IL17D: variants seen among roughly 807,000 people sequenced by gnomAD.
IL17D encodes interleukin 17D.
IL17D carries 10 observed loss-of-function variants against 5.7 expected under a neutral mutation model. The observed-to-expected ratio is 1.75, with a 90% confidence interval of 1.08 to 2.97. The LOEUF (loss-of-function observed/expected upper bound fraction) is 2.97, where lower values mean the gene tolerates loss of function less well. Ranked by LOEUF, IL17D falls within the 30% of genes most tolerant of loss-of-function variation. The probability of loss-of-function intolerance (pLI) is 0.00; values close to 1 mark genes in which losing one functional copy is unlikely to be tolerated. For missense variants in IL17D, 354 were observed against 292.7 expected (o/e 1.21, Z -1.53); for synonymous variants, 172 against 141.7 (o/e 1.21, Z -1.52).
At chr13:20,717,830 A>C (rs1020705799) in intron 1 of IL17D, among the ~76,000 whole-genome samples, 1 of 149,430 alleles carries the variant, frequency 6.7e-6, no homozygotes, top group Non-Finnish European at 1.5e-5. Context: ...TCCCAAGTCC[A>C]GTGCAGGGCT....
rs1299386103 is a variant in IL17D at position 20,716,189 on chromosome 13, C to T, written c.291-5447C>T. 1.6e-6 allele frequency: 1 copy of T among 644,084 alleles called. No homozygotes were observed. Among genetic ancestry groups the T allele is most frequent in the Non-Finnish European group, 1.9e-6 (1 of 517,838 alleles). 39.9% of individuals were successfully genotyped at this position (644,084 alleles called of 1,614,324 possible). A position where few individuals can be genotyped will look rare whatever the true frequency, so the allele number is the denominator to read the frequency against. ...GCTCTTGGAGAGGGATGCTACATGTCCCTCAGTGTCCCCAGAGGACGGCGG... is the reference window on the plus strand; with the variant it reads ...GCTCTTGGAGAGGGATGCTACATGTTCCTCAGTGTCCCCAGAGGACGGCGG... On this transcript the variant is annotated intron_variant, in intron 1 of 1. Coordinates refer to ENST00000682841, the MANE Select transcript of IL17D (RefSeq NM_001385224.1). The surrounding 1 kb of genome is among the most constrained non-coding windows in gnomAD (Gnocchi z 4.2).
At chr13:20,718,505 CA>C in intron 1 of IL17D, among the ~76,000 whole-genome samples, 1 of 113,278 alleles carries the variant, frequency 8.8e-6, no homozygotes, top group African/African-American at 2.9e-5. Context: ...CACCTGCCCA[CA>C]CTCAGACACA....
chr13:20,709,178 G>A (rs909203810), intron 1 of IL17D, among the ~76,000 whole-genome samples: 9 of 144,414 alleles, frequency 6.2e-5, no homozygotes, highest in African/African-American at 2.1e-4. Context: ...AGCAGGCTAC[G>A]TTGGCAAGGT....
Position 20,716,168 on chromosome 13 carries a change from T to C in IL17D, c.291-5468T>C, listed in dbSNP as rs2058677714. 3 of 881,802 alleles carry C rather than the reference T, an allele frequency of 3.4e-6. No homozygotes were observed. Among genetic ancestry groups the C allele is most frequent in the Non-Finnish European group, 4.1e-6 (3 of 735,272 alleles). The allele number at this position is 881,802 out of a possible 1,614,324, so 54.6% of individuals were successfully genotyped here. ...GTGTTTTTCACAGGACTCTCAGCTC[T>C]TGGAGAGGGATGCTACATGTCCCTC... On this transcript the variant is annotated intron_variant, in intron 1 of 1. Transcript: ENST00000682841. This position sits in a 1 kb window ranked among gnomAD's most constrained non-coding sequence, Gnocchi z 4.2.
chr13:20,719,065 GCCCATGCTGACACACAACTA>G (rs1479399784), intron 1 of IL17D, among the ~76,000 whole-genome samples: 1 of 131,414 alleles, frequency 7.6e-6, no homozygotes, highest in African/African-American at 2.9e-5. Context: ...ACACACACCT[GCCCATGCTGACACACAACTA>G]CCCATGCTCA....
chr13:20,722,071 C>T lies in IL17D; in HGVS notation c.*117C>T, dbSNP rs1358328556. The T allele has an allele frequency of 4.9e-6, 4 of 824,726 alleles. No individual in the cohort carries two copies. Among genetic ancestry groups the T allele is most frequent in the African/African-American group, 1.8e-5 (1 of 56,046 alleles). 51.1% of individuals were successfully genotyped at this position (824,726 alleles called of 1,614,324 possible). On this transcript the variant is annotated 3_prime_UTR_variant, in exon 2 of 2. Coordinates refer to ENST00000682841, the MANE Select transcript of IL17D (RefSeq NM_001385224.1). Reference sequence around the variant, plus strand: ...AGAGTGCACCGAGCAAACCAAGTGCCGGAGCACCAGCGCCGCCTTTCCATG... The same window carrying T: ...AGAGTGCACCGAGCAAACCAAGTGCTGGAGCACCAGCGCCGCCTTTCCATG...
chr13:20,720,628 G>A (rs1463120041), intron 1 of IL17D, among the ~76,000 whole-genome samples: 1 of 152,226 alleles, frequency 6.6e-6, no homozygotes, highest in Non-Finnish European at 1.5e-5. Context: ...ACCTGGCCAA[G>A]CTCCTGATCC....
intron 1 of IL17D, 132 bp from the exon 2 acceptor site, chr13:20,721,502 CCT>C: frequency 1.5e-6 from 1 of 662,438 alleles, no homozygotes; most frequent in Non-Finnish European, 2.5e-6. Context: ...CGGCGGGGGG[CCT>C]CGCACGCACG....
At chr13:20,715,087 A>C (rs1454616461) in intron 1 of IL17D, among the ~76,000 whole-genome samples, 1 of 152,122 alleles carries the variant, frequency 6.6e-6, no homozygotes, top group East Asian at 1.9e-4. Flanking sequence ...GCTTGCTCCA[A>C]AGGGAAAGTG....
chr13:20,716,156 G>C lies in IL17D; in HGVS notation c.291-5480G>C. Reference sequence around the variant, plus strand: ...TTGCAAAGGTTAGTGTTTTTCACAGGACTCTCAGCTCTTGGAGAGGGATGC... The same window carrying C: ...TTGCAAAGGTTAGTGTTTTTCACAGCACTCTCAGCTCTTGGAGAGGGATGC... On this transcript the variant is annotated intron_variant, in intron 1 of 1. Coordinates refer to ENST00000682841, the MANE Select transcript of IL17D (RefSeq NM_001385224.1). This position sits in a 1 kb window ranked among gnomAD's most constrained non-coding sequence, Gnocchi z 4.2. 4 of 952,566 alleles carry C rather than the reference G, an allele frequency of 4.2e-6. No homozygotes were observed. The highest frequency in any genetic ancestry group is 5.0e-6 in the Non-Finnish European group (4 of 800,044). The allele number at this position is 952,566 out of a possible 1,614,324, so 59.0% of individuals were successfully genotyped here. A position where few individuals can be genotyped will look rare whatever the true frequency, so the allele number is the denominator to read the frequency against.
Position 20,721,641 on chromosome 13 carries a change from C to T in IL17D, c.296C>T (p.Ser99Phe). ...RSVSPWAYRI[S>F]YDPARYPRYL... Reference sequence around the variant, plus strand: ...CCCGTGCTCTCTCCCTGCAGAATCTCCTACGACCCGGCGAGGTACCCCAGG... The same window carrying T: ...CCCGTGCTCTCTCCCTGCAGAATCTTCTACGACCCGGCGAGGTACCCCAGG... The change falls in exon 2 of 2, where the codon TCC (serine) becomes TTC (phenylalanine). Residue 99 changes from serine to phenylalanine, a missense_variant. Ser to Phe is a radical substitution (Grantham distance 155). Transcript: ENST00000682841. The T allele has an allele frequency of 6.3e-7, 1 of 1,595,486 alleles. No homozygotes were observed. The highest frequency in any genetic ancestry group is 8.6e-7 in the Non-Finnish European group (1 of 1,168,972).
At chr13:20,702,360 A>C (rs918002794), upstream of IL17D, 1 of 152,236 alleles carries the variant, frequency 6.6e-6, no homozygotes, top group African/African-American at 2.4e-5. Flanking sequence ...GCATAACTGA[A>C]ATGTAGTTTA....
At chr13:20,721,529 G>C in intron 1 of IL17D, 107 bp from the exon 2 acceptor site, 1 of 902,408 alleles carries the variant, frequency 1.1e-6, no homozygotes, top group South Asian at 1.8e-5. Context: ...CGCAGGCGGA[G>C]GACAGGACAG....
chr13:20,721,645 C>T lies in IL17D; in HGVS notation c.300C>T (p.Tyr100=). Residue 100 remains tyrosine (Y), a synonymous_variant, in exon 2 of 2, where the codon TAC becomes TAT. Transcript: ENST00000682841. The part of the protein sequence containing the change: ...SVSPWAYRIS[Y]DPARYPRYLP... ...TGCTCTCTCCCTGCAGAATCTCCTACGACCCGGCGAGGTACCCCAGGTACC... is the reference window on the plus strand; with the variant it reads ...TGCTCTCTCCCTGCAGAATCTCCTATGACCCGGCGAGGTACCCCAGGTACC... 6.3e-7 allele frequency: 1 copy of T among 1,597,078 alleles called. No homozygotes were observed. Among genetic ancestry groups the T allele is most frequent in the African/African-American group, 1.3e-5 (1 of 74,810 alleles).
chr13:20,704,167 C>G lies in IL17D; in HGVS notation c.166C>G (p.His56Asp). Residue 56 changes from histidine (H) to aspartate (D), a missense_variant, in exon 1 of 2, where the codon CAC becomes GAC. Physicochemically the swap from His to Asp is moderately conservative, Grantham distance 81. Transcript: ENST00000682841. ...GGCCGGCGTGCTCAGTGCCTTCCAC[C>G]ACACGCTGCAGCTGGGGCCGCGTGA... Reference protein sequence around the residue: ...LAAGVLSAFHHTLQLGPREQA... With the variant: ...LAAGVLSAFHDTLQLGPREQA... The G allele has an allele frequency of 7.3e-7, 1 of 1,373,548 alleles. No homozygotes were observed. The highest frequency in any genetic ancestry group is 9.5e-7 in the Non-Finnish European group (1 of 1,056,098). 85.1% of individuals were successfully genotyped at this position (1,373,548 alleles called of 1,614,324 possible). A position where few individuals can be genotyped will look rare whatever the true frequency, so the allele number is the denominator to read the frequency against.
intron 1 of IL17D, among the ~76,000 whole-genome samples, chr13:20,706,385 G>A (rs1456979203): frequency 6.6e-6 from 1 of 152,226 alleles, no homozygotes; most frequent in Non-Finnish European, 1.5e-5. Flanking sequence ...TAACTTCTCT[G>A]GACAGAAGCT....
intron 1 of IL17D, among the ~76,000 whole-genome samples, chr13:20,720,097 G>A (rs1243314406): frequency 4.6e-5 from 7 of 152,088 alleles, no homozygotes; most frequent in African/African-American, 1.7e-4. Flanking sequence ...TCAAGTTCAG[G>A]TTTGACCCAG....
Position 20,722,496 on chromosome 13 carries a change from A to T in IL17D, c.*542A>T, listed in dbSNP as rs1595005373. 1 of 152,290 alleles carries T rather than the reference A, an allele frequency of 6.6e-6. No individual in the cohort carries two copies. The highest frequency in any genetic ancestry group is 6.5e-5 in the Admixed American group (1 of 15,278). 9.4% of individuals were successfully genotyped at this position (152,290 alleles called of 1,614,324 possible). On this transcript the variant is annotated 3_prime_UTR_variant, in exon 2 of 2. Transcript: ENST00000682841. ...CATCGTTTTTTACTTCTTCTGGTAG[A>T]ATTTTTTAAAGCATAATTGGAATCC...
chr13:20,712,538 C>G (rs1312883660), intron 1 of IL17D: 4 of 152,412 alleles, frequency 2.6e-5, no homozygotes, highest in African/African-American at 7.2e-5. Context: ...TGCGGTGAGC[C>G]GAGATCGCGC....
Sources: gnomAD v4.1 joint callset for allele counts (sites outside exome capture counted in the v4.1 genomes callset) on GRCh38, gnomAD v4.1.1 for gene constraint, Gnocchi (gnomAD v3.1) non-coding constraint, MANE v1.5 for transcripts, NCBI Gene and HGNC (gene_info 2026-07-23, HGNC 2026-07-21) for gene names.